The following ZMYND8 variants were observed in gnomAD, a reference collection of about 807,000 sequenced individuals.
The protein encoded by ZMYND8 is MYND-type zinc finger-containing chromatin reader ZMYND8.
In ZMYND8, 37 loss-of-function variants were observed where a neutral mutation model predicts 140.8. The ratio of observed to expected loss-of-function variants is 0.26; its 90% CI spans 0.20 to 0.35. ZMYND8 has a LOEUF of 0.35. Among genes scored for constraint, ZMYND8 ranks in the 10% least tolerant of loss-of-function variants. The probability of loss-of-function intolerance (pLI) is 1.00; values close to 1 mark genes in which losing one functional copy is unlikely to be tolerated. For missense variants in ZMYND8, 1,068 were observed against 1,570.0 expected (o/e 0.68, Z 5.40); for synonymous variants, 592 against 597.1 (o/e 0.99, Z 0.12).
intron 1 of ZMYND8, among the ~76,000 whole-genome samples, chr20:47,355,198 T>C (rs530742002): frequency 6.6e-6 from 1 of 152,206 alleles, no homozygotes; most frequent in Non-Finnish European, 1.5e-5. Flanking sequence ...CAAGTCACAA[T>C]GAACTGAACA....
intron 10 of ZMYND8, among the ~76,000 whole-genome samples, chr20:47,278,500 C>T (rs2076393322): frequency 6.6e-6 from 1 of 152,158 alleles, no homozygotes; most frequent in African/African-American, 2.4e-5. Flanking sequence ...AAATAGACTT[C>T]TTATGTTACA....
At chr20:47,348,715 G>C (rs2082536854) in intron 1 of ZMYND8, 1 of 152,004 alleles carries the variant, frequency 6.6e-6, no homozygotes, top group Non-Finnish European at 1.5e-5. Context: ...CCGTCACCCA[G>C]AACATTCTCT....
chr20:47,356,047 A>G (rs190919392), intron 1 of ZMYND8, among the ~76,000 whole-genome samples: 7 of 152,286 alleles, frequency 4.6e-5, no homozygotes, highest in Admixed American at 3.3e-4. Context: ...CCTAGGCCCC[A>G]GGAGCTAGAC....
chr20:47,264,354 G>C (rs988830457), intron 11 of ZMYND8, among the ~76,000 whole-genome samples: 2 of 152,172 alleles, frequency 1.3e-5, no homozygotes, highest in Non-Finnish European at 2.9e-5. Flanking sequence ...TCGGCTCACT[G>C]CAACCTCTGC....
Position 47,255,620 on chromosome 20 carries a change from TAC to T in ZMYND8, c.1622-6183_1622-6182del, listed in dbSNP as rs2147432815. Among the ~76,000 whole-genome samples the T allele has an allele frequency of 2.2e-5, 3 of 138,674 alleles. No homozygotes were observed. The South Asian group carries it at 7.3e-4, about 34-fold the overall frequency. The allele number at this position is 138,674 out of a possible 152,430, so 91.0% of individuals were successfully genotyped here. On this transcript the variant is annotated intron_variant, in intron 12 of 22. Coordinates refer to ENST00000471951, the MANE Select transcript of ZMYND8 (RefSeq NM_001281775.3). Reference sequence around the variant, plus strand: ...TATATATATATATATACACACCATATACATATACTCAGTATATATATACCATA... The same window carrying T: ...TATATATATATATATACACACCATATATATACTCAGTATATATATACCATA...
intron 14 of ZMYND8, among the ~76,000 whole-genome samples, chr20:47,240,964 G>A (rs549128272): frequency 6.6e-6 from 1 of 152,156 alleles, no homozygotes. Flanking sequence ...ACGTGCTACT[G>A]TGTCCCGCTT....
intron 5 of ZMYND8, 100 bp downstream of exon 5, chr20:47,294,566 A>G: frequency 8.9e-7 from 1 of 1,122,868 alleles, no homozygotes; most frequent in South Asian, 1.4e-5. Context: ...AAGGAGGCCC[A>G]AAGAATACAT....
At chr20:47,347,646 A>G (rs1016671384) in intron 2 of ZMYND8, among the ~76,000 whole-genome samples, 1 of 152,080 alleles carries the variant, frequency 6.6e-6, no homozygotes, top group Non-Finnish European at 1.5e-5. Context: ...CACTGTCAGG[A>G]CCCCTACACA....
At chr20:47,279,781 G>A (rs1379517408) in intron 10 of ZMYND8, among the ~76,000 whole-genome samples, 2 of 150,810 alleles carry the variant, frequency 1.3e-5, no homozygotes, top group African/African-American at 4.9e-5. Context: ...TAACTCTGCA[G>A]GCATTTAATA....
At chr20:47,352,742 TAGGTA>T (rs2082899481) in intron 1 of ZMYND8, 1 of 159,634 alleles carries the variant, frequency 6.3e-6, no homozygotes, top group Admixed American at 6.5e-5. Context: ...CGCCGGCCGG[TAGGTA>T]AGGTAATCGG....
intron 11 of ZMYND8, among the ~76,000 whole-genome samples, chr20:47,272,510 A>T (rs1307659588): frequency 6.6e-6 from 1 of 152,220 alleles, no homozygotes; most frequent in Non-Finnish European, 1.5e-5. Context: ...GAGATCGCGC[A>T]AACAAATACC....
intron 15 of ZMYND8, chr20:47,238,087 CAAAGAT>C (rs2039467692): frequency 6.6e-6 from 1 of 152,190 alleles, no homozygotes; most frequent in Admixed American, 6.5e-5. Context: ...GAAATTTATA[CAAAGAT>C]ATTCATTGCA....
At chr20:47,277,708 T>G (rs998928021) in intron 10 of ZMYND8, among the ~76,000 whole-genome samples, 1 of 151,950 alleles carries the variant, frequency 6.6e-6, no homozygotes, top group Non-Finnish European at 1.5e-5. Flanking sequence ...TCTCGCTCTA[T>G]TGCCCAGGCT....
intron 21 of ZMYND8, among the ~76,000 whole-genome samples, chr20:47,218,187 A>G (rs1193966710): frequency 6.6e-6 from 1 of 152,200 alleles, no homozygotes; most frequent in Non-Finnish European, 1.5e-5. Context: ...CTCAGAATGG[A>G]ATACGATGCC....
chr20:47,332,928 A>T (rs1187750924), intron 2 of ZMYND8, among the ~76,000 whole-genome samples: 1 of 152,194 alleles, frequency 6.6e-6, no homozygotes, highest in Admixed American at 6.5e-5. Context: ...ACATACATAG[A>T]TAAACAAAGT....
intron 2 of ZMYND8, among the ~76,000 whole-genome samples, chr20:47,313,119 C>T (rs2079068962): frequency 6.6e-6 from 1 of 151,478 alleles, no homozygotes; most frequent in African/African-American, 2.4e-5. Context: ...AATCCCAGCA[C>T]TTTGAGAGGC....
chr20:47,332,725 G>A (rs2081057478), intron 2 of ZMYND8, among the ~76,000 whole-genome samples: 1 of 151,936 alleles, frequency 6.6e-6, no homozygotes, highest in South Asian at 2.1e-4. Flanking sequence ...AATAAATAAA[G>A]ACAACACAAA....
chr20:47,318,961 G>C lies in ZMYND8; in HGVS notation c.86-8757C>G, dbSNP rs1387620247. The stretch of plus-strand genomic sequence containing the variant: ...AGAGGAGGCACTTACCTGCCATTGA[G>C]AAAGTGCGGCTGCTCAGAGGGCCTA... On this transcript the variant is annotated intron_variant, in intron 2 of 22. Coordinates refer to ENST00000471951, the MANE Select transcript of ZMYND8 (RefSeq NM_001281775.3). The C allele has an allele frequency of 2.2e-6, 3 of 1,351,378 alleles. No homozygotes were observed. In the African/African-American group the frequency reaches 4.4e-5, roughly 20 times the overall value. The allele number at this position is 1,351,378 out of a possible 1,614,324, so 83.7% of individuals were successfully genotyped here.
Position 47,276,309 on chromosome 20 carries a change from C to G in ZMYND8, c.1480+5G>C. 2 of 1,546,936 alleles carry G rather than the reference C, an allele frequency of 1.3e-6. No homozygotes were observed. Among genetic ancestry groups the G allele is most frequent in the Non-Finnish European group, 1.7e-6 (2 of 1,144,710 alleles). ...CTCCTCCCCGCTCCCCCGCACGGAG[C>G]TGACCTGTGCTCTTATCCAGGAAGT... On this transcript the variant is annotated splice_donor_5th_base_variant and intron_variant, in intron 11 of 22. Transcript: ENST00000471951.
Sources: allele counts gnomAD v4.1 joint callset (sites outside exome capture counted in the v4.1 genomes callset), GRCh38; gene constraint gnomAD v4.1.1; transcripts MANE v1.5; gene names NCBI Gene and HGNC (gene_info 2026-07-23, HGNC 2026-07-21).